C9: variants seen among roughly 807,000 people sequenced by gnomAD.
C9 encodes the protein complement component C9.
Under a neutral mutation model 65.4 loss-of-function variants are expected in C9, and 63 were observed. The observed-to-expected ratio is 0.96, with a 90% CI of 0.79 to 1.19. The LOEUF is 1.19. Among genes scored for constraint, C9 ranks in the 50% most tolerant of loss-of-function variants. The pLI is 0.00. For synonymous variants in C9, 229 were observed against 227.9 expected, an observed-to-expected ratio of 1.00 and a Z score of -0.04; for missense variants, 744 against 670.1, an observed-to-expected ratio of 1.11 and a Z score of -1.22.
intron 8 of C9, among the ~76,000 whole-genome samples, chr5:39,307,527 T>C (rs1161457296): frequency 6.6e-6 from 1 of 152,186 alleles, no homozygotes; most frequent in Non-Finnish European, 1.5e-5. Flanking sequence ...TTTTCAATCA[T>C]GGACACATAT....
At position 39,284,889 on chromosome 5, in the gene C9, C is replaced by T; in HGVS notation, c.*310G>A. The T allele has an allele frequency of 8.3e-6, 3 of 363,052 alleles. No individual in the cohort carries two copies. Among genetic ancestry groups the T allele is most frequent in the South Asian group, 8.1e-5 (2 of 24,802 alleles). 22.5% of individuals were successfully genotyped at this position (363,052 alleles called of 1,614,324 possible). A position where few individuals can be genotyped will look rare whatever the true frequency, so the allele number is the denominator to read the frequency against. On this transcript the variant is annotated 3_prime_UTR_variant, in exon 11 of 11. Transcript: ENST00000263408. ...AAAATTACTTTGAAGTTTTTTAAACCAACATTCTGTTTTTAATTTAATTTT... is the reference window on the plus strand; with the variant it reads ...AAAATTACTTTGAAGTTTTTTAAACTAACATTCTGTTTTTAATTTAATTTT...
chr5:39,334,250 G>T lies in C9; in HGVS notation c.477-2436C>A, dbSNP rs545560656. Among the ~76,000 whole-genome samples the T allele has an allele frequency of 2.3e-4, 35 of 149,858 alleles. No homozygotes were observed. In the South Asian group the frequency reaches 7.2e-3, roughly 31 times the overall value. On this transcript the variant is annotated intron_variant, in intron 4 of 10. Coordinates refer to ENST00000263408, the MANE Select transcript of C9 (RefSeq NM_001737.5). ...GCCCATCATCTGAGATGTGGGGAGC[G>T]CCTCAGCCCTGCCGCCCCGTCTGGG...
intron 4 of C9, among the ~76,000 whole-genome samples, chr5:39,339,638 C>T (rs550949668): frequency 1.4e-5 from 2 of 143,672 alleles, no homozygotes; most frequent in Non-Finnish European, 3.0e-5. Flanking sequence ...TCTCCAGATA[C>T]TGTCTTTTCT....
intron 5 of C9, among the ~76,000 whole-genome samples, chr5:39,320,445 T>C (rs911856512): frequency 1.3e-5 from 2 of 152,072 alleles, no homozygotes; most frequent in Non-Finnish European, 2.9e-5. Context: ...GAAAGAATCA[T>C]GAGCTCAAAG....
At chr5:39,303,339 C>T (rs1753315537) in intron 9 of C9, among the ~76,000 whole-genome samples, 1 of 151,906 alleles carries the variant, frequency 6.6e-6, no homozygotes, top group Non-Finnish European at 1.5e-5. Flanking sequence ...TGGAGAAAGG[C>T]CAAGGAGAGA....
At chr5:39,358,013 C>A (rs891503424) in intron 1 of C9, among the ~76,000 whole-genome samples, 1 of 152,110 alleles carries the variant, frequency 6.6e-6, no homozygotes. Context: ...TTCAGCTCCC[C>A]AGCTGATTGA....
At chr5:39,323,718 C>A (rs1219934927) in intron 5 of C9, among the ~76,000 whole-genome samples, 1 of 151,934 alleles carries the variant, frequency 6.6e-6, no homozygotes, top group Non-Finnish European at 1.5e-5. Context: ...GACCATTATA[C>A]TCAGTGGTTA....
chr5:39,340,011 C>A (rs147127585), intron 4 of C9, among the ~76,000 whole-genome samples: 139 of 152,216 alleles, frequency 9.1e-4, no homozygotes, highest in African/African-American at 3.1e-3. Flanking sequence ...ACTGCCTTAC[C>A]CTTCTACCAG....
At position 39,359,808 on chromosome 5, in the gene C9, G is replaced by A. The variant is rs148198858; in HGVS notation, c.77+4580C>T. 2.7e-3 allele frequency among the ~76,000 whole-genome samples: 411 copies of A among 152,312 alleles called. 3 individuals are homozygous for A. The highest frequency in any genetic ancestry group is 9.6e-3 in the African/African-American group (401 of 41,574). Reference sequence around the variant, plus strand: ...ATTTCCTTGTTAGCATTCCTCACTAGATTGTAAGCCCAGTGAGGGCAGGGA... The same window carrying A: ...ATTTCCTTGTTAGCATTCCTCACTAAATTGTAAGCCCAGTGAGGGCAGGGA... On this transcript the variant is annotated intron_variant, in intron 1 of 10. Transcript: ENST00000263408.
intron 1 of C9, among the ~76,000 whole-genome samples, chr5:39,359,102 G>GTGTGTATATATATATATATATA (rs1407613505): frequency 0.041 from 4,254 of 103,010 alleles, 216 homozygotes; most frequent in Non-Finnish European, 0.06. Context: ...GTGTGTGTGT[G>GTGTGTATATATATATATATATA]TATATATATA....
intron 5 of C9, among the ~76,000 whole-genome samples, chr5:39,316,976 C>A (rs1433888499): frequency 1.3e-5 from 2 of 151,890 alleles, no homozygotes; most frequent in Admixed American, 6.6e-5. Context: ...ACTGTAAAAG[C>A]GTTCCTTTTC....
intron 9 of C9, among the ~76,000 whole-genome samples, chr5:39,296,278 GA>G (rs1008185288): frequency 2.0e-5 from 3 of 151,516 alleles, no homozygotes; most frequent in East Asian, 1.9e-4. Context: ...CATCTGACAG[GA>G]GACTAATATC....
intron 9 of C9, among the ~76,000 whole-genome samples, chr5:39,297,639 A>T (rs78396624): frequency 0.09 from 13,632 of 151,704 alleles, 657 homozygotes; most frequent in Non-Finnish European, 0.11. Flanking sequence ...GAATAAAAAG[A>T]TGAAGTTTTC....
At chr5:39,292,868 GT>G (rs568659431) in intron 9 of C9, among the ~76,000 whole-genome samples, 3 of 149,810 alleles carry the variant, frequency 2.0e-5, no homozygotes, top group Non-Finnish European at 4.5e-5. Context: ...ATGTTATAGA[GT>G]AAAAAATATT....
chr5:39,312,759 T>A lies in C9; in HGVS notation c.871-1382A>T, dbSNP rs112442724. On this transcript the variant is annotated intron_variant, in intron 6 of 10. Coordinates refer to ENST00000263408, the MANE Select transcript of C9 (RefSeq NM_001737.5). The stretch of plus-strand genomic sequence containing the variant: ...ACAGCTGTGGTTAACATATGATGAT[T>A]ATGTGGGAGTTTAAAATATTTTATT... Among the ~76,000 whole-genome samples, 9 of 152,268 alleles carry A rather than the reference T, an allele frequency of 5.9e-5. 1 individual carries two copies. The highest frequency in any genetic ancestry group is 2.2e-4 in the African/African-American group (9 of 41,568).
chr5:39,338,297 G>T (rs549584084), intron 4 of C9, among the ~76,000 whole-genome samples: 1 of 152,252 alleles, frequency 6.6e-6, no homozygotes, highest in South Asian at 2.1e-4. Context: ...TGAGGGAACC[G>T]CTGTGGGTGT....
At chr5:39,295,135 CCTCT>C (rs889538414) in intron 9 of C9, among the ~76,000 whole-genome samples, 1 of 151,600 alleles carries the variant, frequency 6.6e-6, no homozygotes, top group Admixed American at 6.6e-5. Flanking sequence ...GAAAGCTCTC[CCTCT>C]AAGAACTGAA....
At chr5:39,315,731 G>T (rs1350338611) in intron 6 of C9, 44 bp downstream of exon 6, 1 of 1,435,866 alleles carries the variant, frequency 7.0e-7, no homozygotes, top group South Asian at 1.2e-5. Flanking sequence ...AGTCTGGGTA[G>T]TTTGGAACCT....
chr5:39,301,598 TTACTTCTGCAATAC>T (rs1034459824), intron 9 of C9, among the ~76,000 whole-genome samples: 7 of 152,140 alleles, frequency 4.6e-5, no homozygotes, highest in African/African-American at 1.2e-4. Context: ...TTCTGCAATA[TTACTTCTGCAATAC>T]TACTTCTGCA....
Sources: gnomAD v4.1 joint callset for allele counts (sites outside exome capture counted in the v4.1 genomes callset) on GRCh38, gnomAD v4.1.1 for gene constraint, MANE v1.5 for transcripts, NCBI Gene and HGNC (gene_info 2026-07-23, HGNC 2026-07-21) for gene names.